The following STK24 variants were observed in gnomAD, a reference collection of about 807,000 sequenced individuals.
The protein encoded by STK24 is serine/threonine kinase 24.
Under a neutral mutation model 55.6 loss-of-function variants are expected in STK24, and 21 were observed. The ratio of observed to expected loss-of-function variants is 0.38; its 90% confidence interval spans 0.27 to 0.54. The LOEUF (loss-of-function observed/expected upper bound fraction) is 0.54, where lower values mean the gene tolerates loss of function less well. STK24 is among the 20% of genes least tolerant of loss of function. The pLI, the probability that STK24 is intolerant of heterozygous loss-of-function variation, is 0.79. For synonymous variants in STK24, 200 were observed against 215.2 expected, an observed-to-expected ratio of 0.93 and a Z score of 0.62; for missense variants, 383 against 538.4, an observed-to-expected ratio of 0.71 and a Z score of 2.86.
intron 3 of STK24, among the ~76,000 whole-genome samples, chr13:98,478,938 G>A (rs943053013): frequency 9.9e-5 from 15 of 152,158 alleles, no homozygotes; most frequent in African/African-American, 3.1e-4. Context: ...TCTAACAAAC[G>A]GTGTAATTGA....
At chr13:98,530,970 G>A (rs1803874120) in intron 1 of STK24, among the ~76,000 whole-genome samples, 1 of 152,202 alleles carries the variant, frequency 6.6e-6, no homozygotes, top group East Asian at 1.9e-4. Flanking sequence ...AATGAGAGTA[G>A]ATTTTTAGTA....
intron 1 of STK24, among the ~76,000 whole-genome samples, chr13:98,540,596 C>T (rs1896859675): frequency 6.6e-6 from 1 of 152,020 alleles, no homozygotes; most frequent in Non-Finnish European, 1.5e-5. Flanking sequence ...ACCTAAACTT[C>T]ACATTCCTGT....
At chr13:98,516,792 A>C (rs1896079767) in intron 2 of STK24, among the ~76,000 whole-genome samples, 1 of 152,246 alleles carries the variant, frequency 6.6e-6, no homozygotes, top group South Asian at 2.1e-4. Context: ...AGGAAGAGAT[A>C]CATTTCTAAC....
chr13:98,559,002 T>TA (rs60756124), intron 1 of STK24, among the ~76,000 whole-genome samples: 1,443 of 43,048 alleles, frequency 0.034, 97 homozygotes, highest in Non-Finnish European at 0.041. Flanking sequence ...CTGTCTCTAC[T>TA]AAAAAAAAAA....
At chr13:98,538,390 A>C (rs1338942102) in intron 1 of STK24, among the ~76,000 whole-genome samples, 1 of 151,726 alleles carries the variant, frequency 6.6e-6, no homozygotes, top group Non-Finnish European at 1.5e-5. Context: ...ACACACAGCT[A>C]ATTTCTGTAT....
chr13:98,526,092 A>G (rs1349415465), intron 1 of STK24, among the ~76,000 whole-genome samples: 1 of 151,892 alleles, frequency 6.6e-6, no homozygotes, highest in Non-Finnish European at 1.5e-5. Flanking sequence ...TGGAGGGAGG[A>G]GCATTGGCAG....
At chr13:98,571,308 C>T (rs1375100682) in intron 1 of STK24, among the ~76,000 whole-genome samples, 2 of 152,246 alleles carry the variant, frequency 1.3e-5, no homozygotes, top group East Asian at 1.9e-4. Context: ...CTCAGCTCTA[C>T]GCATCAGACC....
Position 98,446,049 on chromosome 13 carries a change from C to A in STK24, c.*7124G>T. On this transcript the variant is annotated 3_prime_UTR_variant, in exon 11 of 11. Transcript: ENST00000539966. ...CAGGGAGAGCTGCTCTCTGTGCCCT[C>A]CTGGGGCAGGTGCCCGCTGTGCTTC... 7.6e-7 allele frequency: 1 copy of A among 1,312,830 alleles called. No individual in the cohort carries two copies. The highest frequency in any genetic ancestry group is 1.1e-6 in the Non-Finnish European group (1 of 908,724). The allele number at this position is 1,312,830 out of a possible 1,614,324, so 81.3% of individuals were successfully genotyped here.
At chr13:98,527,822 G>A (rs908643674) in intron 1 of STK24, among the ~76,000 whole-genome samples, 3 of 152,174 alleles carry the variant, frequency 2.0e-5, no homozygotes, top group Non-Finnish European at 4.4e-5. Context: ...GAGGCACACC[G>A]TCGAAAATCC....
In STK24 at chr13:98,448,461, GTTT is replaced by G; in HGVS notation, c.*4709_*4711del. 1.5e-6 allele frequency: 1 copy of G among 675,608 alleles called. No homozygotes were observed. The highest frequency in any genetic ancestry group is 2.6e-6 in the Non-Finnish European group (1 of 384,440). The allele number at this position is 675,608 out of a possible 1,614,324, so 41.9% of individuals were successfully genotyped here. On this transcript the variant is annotated 3_prime_UTR_variant, in exon 11 of 11. Coordinates refer to ENST00000539966, the MANE Select transcript of STK24 (RefSeq NM_001032296.4). ...GCAGCTCTCCTGTCTCCACAGCCGC[GTTT>G]TTTAACCCCGACCTCTCAGCGTCTG... is the stretch of plus-strand genomic sequence containing the variant.
intron 10 of STK24, chr13:98,454,868 G>A (rs981389681): frequency 3.3e-5 from 5 of 152,268 alleles, no homozygotes; most frequent in African/African-American, 1.2e-4. Context: ...GAGGAGGAAA[G>A]AGGGCACTCC....
At chr13:98,532,711 G>C (rs1273411538) in intron 1 of STK24, among the ~76,000 whole-genome samples, 1 of 152,200 alleles carries the variant, frequency 6.6e-6, no homozygotes, top group Non-Finnish European at 1.5e-5. Flanking sequence ...TTCTTTCGAA[G>C]AAAAGTGTTA....
At chr13:98,542,932 T>C in intron 1 of STK24, 1 of 985,444 alleles carries the variant, frequency 1.0e-6, no homozygotes, top group Non-Finnish European at 1.2e-6. Flanking sequence ...ACGGGTGTAT[T>C]TGTGGAGACG....
rs138670547 is a variant in STK24 at position 98,461,755 on chromosome 13, C to G, written c.1053+19G>C. ...GCAGACTGAGGTCAGCGTGGCCATT[C>G]TGGAGTGAGCAGACGTACCTTATTT... On this transcript the variant is annotated intron_variant, in intron 8 of 10. Coordinates refer to ENST00000539966, the MANE Select transcript of STK24 (RefSeq NM_001032296.4). 8 of 1,613,182 alleles carry G rather than the reference C, an allele frequency of 5.0e-6. No individual in the cohort carries two copies. Among genetic ancestry groups the G allele is most frequent in the African/African-American group, 4.0e-5 (3 of 74,914 alleles).
chr13:98,550,744 GT>G (rs1897137689), intron 1 of STK24, among the ~76,000 whole-genome samples: 1 of 152,134 alleles, frequency 6.6e-6, no homozygotes, highest in Non-Finnish European at 1.5e-5. Context: ...TCATTTGCAT[GT>G]AATTTTGCAT....
chr13:98,477,727 C>A (rs1315708945), intron 3 of STK24, among the ~76,000 whole-genome samples: 1 of 151,926 alleles, frequency 6.6e-6, no homozygotes, highest in Non-Finnish European at 1.5e-5. Flanking sequence ...CCCATCTCCT[C>A]CTTCACCAAG....
At chr13:98,484,507 C>A (rs79471877) in intron 2 of STK24, among the ~76,000 whole-genome samples, 1 of 152,148 alleles carries the variant, frequency 6.6e-6, no homozygotes, top group African/African-American at 2.4e-5. Context: ...GGGAAACAAT[C>A]TTTTGCTGAC....
chr13:98,470,306 CG>C (rs11311177), intron 5 of STK24, among the ~76,000 whole-genome samples: 82,148 of 149,888 alleles, frequency 0.55, 22,509 homozygotes, highest in African/African-American at 0.59. Context: ...AGGTGGGAGT[CG>C]GGGGGGCAAG....
At chr13:98,460,699 CTG>C (rs1481002151) in intron 8 of STK24, among the ~76,000 whole-genome samples, 2 of 152,236 alleles carry the variant, frequency 1.3e-5, no homozygotes, top group South Asian at 2.1e-4. Context: ...GAAGGGGACT[CTG>C]TGTGGGCACA....
Sources: allele counts gnomAD v4.1 joint callset (sites outside exome capture counted in the v4.1 genomes callset), GRCh38; gene constraint gnomAD v4.1.1; transcripts MANE v1.5; gene names NCBI Gene and HGNC (gene_info 2026-07-23, HGNC 2026-07-21).